The following BAZ1B variants were observed in gnomAD, a reference collection of about 807,000 sequenced individuals.
BAZ1B encodes bromodomain adjacent to zinc finger domain 1B.
A neutral mutation model predicts 153.8 loss-of-function variants in BAZ1B; 22 were observed. The observed-to-expected ratio is 0.14, with a 90% CI of 0.10 to 0.20. The LOEUF is 0.20. BAZ1B is among the 10% of genes least tolerant of loss of function. BAZ1B has a pLI of 1.00. For synonymous variants in BAZ1B, 676 were observed against 633.4 expected (o/e 1.07, Z -1.01); for missense variants, 1,325 against 1,799.3 (o/e 0.74, Z 4.77).
chr7:73,520,918 C>T (rs543502358), intron 1 of BAZ1B, among the ~76,000 whole-genome samples: 3 of 152,078 alleles, frequency 2.0e-5, no homozygotes, highest in African/African-American at 7.2e-5. Flanking sequence ...GTTTTTTTTA[C>T]AGATAAGCCT....
chr7:73,518,864 T>C (rs766123557), intron 1 of BAZ1B, among the ~76,000 whole-genome samples: 1 of 152,222 alleles, frequency 6.6e-6, no homozygotes, highest in Non-Finnish European at 1.5e-5. Flanking sequence ...TTAGAAACTA[T>C]GACAGTTGAA....
chr7:73,454,239 C>A (rs1294142112), intron 13 of BAZ1B, among the ~76,000 whole-genome samples: 1 of 152,056 alleles, frequency 6.6e-6, no homozygotes, highest in Admixed American at 6.6e-5. Context: ...GGTGGGAGAT[C>A]ACAAGCCTGG....
intron 11 of BAZ1B, chr7:73,464,174 T>A: frequency 7.1e-6 from 7 of 984,782 alleles, no homozygotes; most frequent in Non-Finnish European, 8.4e-6. Flanking sequence ...TGAATCATAT[T>A]TTCCTTCTCT....
At chr7:73,459,043 T>G (rs1290654019) in intron 13 of BAZ1B, among the ~76,000 whole-genome samples, 2 of 151,692 alleles carry the variant, frequency 1.3e-5, no homozygotes, top group African/African-American at 4.8e-5. Flanking sequence ...GGTCAAGAGA[T>G]CGAGACCACT....
At chr7:73,478,971 G>A (rs1472810652) in intron 6 of BAZ1B, among the ~76,000 whole-genome samples, 2 of 152,166 alleles carry the variant, frequency 1.3e-5, no homozygotes. Flanking sequence ...TATCTGAAAA[G>A]TTTAAAAAGC....
chr7:73,449,755 G>C, intron 14 of BAZ1B, 66 bp from the exon 15 acceptor site: 1 of 1,545,118 alleles, frequency 6.5e-7, no homozygotes, highest in Non-Finnish European at 8.8e-7. Flanking sequence ...CTGTAAGGAA[G>C]AGGCAATCAC....
intron 6 of BAZ1B, among the ~76,000 whole-genome samples, chr7:73,481,118 G>T (rs1370503100): frequency 6.6e-6 from 1 of 151,940 alleles, no homozygotes; most frequent in Non-Finnish European, 1.5e-5. Flanking sequence ...GTACAGACAG[G>T]GTTTCACTAT....
At chr7:73,457,031 G>A (rs1469837511) in intron 13 of BAZ1B, among the ~76,000 whole-genome samples, 3 of 138,340 alleles carry the variant, frequency 2.2e-5, no homozygotes, top group Admixed American at 7.6e-5. Context: ...TGGAGAGAAT[G>A]TAAAATTGTA....
chr7:73,473,370 T>C (rs1554572311), intron 7 of BAZ1B, among the ~76,000 whole-genome samples: 3 of 152,118 alleles, frequency 2.0e-5, no homozygotes, highest in African/African-American at 7.2e-5. Context: ...CTAACCAACA[T>C]GGTGAATCCC....
At chr7:73,494,074 A>G (rs569169090) in intron 4 of BAZ1B, among the ~76,000 whole-genome samples, 2 of 152,164 alleles carry the variant, frequency 1.3e-5, no homozygotes, top group South Asian at 4.1e-4. Context: ...ACTACGGTGC[A>G]TTTTGGAAAG....
intron 7 of BAZ1B, among the ~76,000 whole-genome samples, chr7:73,471,079 G>C (rs1378571143): frequency 6.6e-6 from 1 of 152,110 alleles, no homozygotes; most frequent in African/African-American, 2.4e-5. Flanking sequence ...TGAAGAAACA[G>C]TTAACAGTCC....
chr7:73,478,825 T>C (rs1345280950), intron 6 of BAZ1B, among the ~76,000 whole-genome samples: 3 of 152,216 alleles, frequency 2.0e-5, no homozygotes, highest in Non-Finnish European at 2.9e-5. Flanking sequence ...TGTTTATGTA[T>C]ATTAATGATT....
chr7:73,442,167 CT>C lies in BAZ1B; in HGVS notation c.*15+13del. ...CCACCCTCCCTAGCTGTCCCCCCAC[CT>C]CAGCTCCCTTACCACGGCCCTGCCT... On this transcript the variant is annotated intron_variant, in intron 19 of 19. Transcript: ENST00000339594. 1 of 1,476,742 alleles carries C rather than the reference CT, an allele frequency of 6.8e-7. No individual in the cohort carries two copies. The highest frequency in any genetic ancestry group is 2.3e-5 in the East Asian group (1 of 43,956). The allele number at this position is 1,476,742 out of a possible 1,614,324, so 91.5% of individuals were successfully genotyped here.
chr7:73,496,895 G>A (rs1013192625), intron 4 of BAZ1B, among the ~76,000 whole-genome samples: 1 of 151,818 alleles, frequency 6.6e-6, no homozygotes, highest in African/African-American at 2.4e-5. Context: ...GCATGAGGCC[G>A]AGGCCACAAG....
At chr7:73,469,123 T>C in intron 9 of BAZ1B, among the ~76,000 whole-genome samples, 1 of 138,412 alleles carries the variant, frequency 7.2e-6, no homozygotes, top group Non-Finnish European at 1.5e-5. Context: ...AGAGTGAAAT[T>C]CCGTCTCAAA....
At chr7:73,463,245 T>C (rs576145381) in intron 11 of BAZ1B, 146 bp from the exon 12 acceptor site, 9 of 737,630 alleles carry the variant, frequency 1.2e-5, no homozygotes, top group East Asian at 8.9e-5. Flanking sequence ...TTTTCTTTTT[T>C]TTTTTTTTTT....
At position 73,476,763 on chromosome 7, in the gene BAZ1B, A is replaced by G. The variant is rs1789015060; in HGVS notation, c.2593+105T>C. 64 of 1,497,698 alleles carry G rather than the reference A, an allele frequency of 4.3e-5. 2 individuals are homozygous for G. In the South Asian group the frequency reaches 8.2e-4, roughly 19 times the overall value. 92.8% of individuals were successfully genotyped at this position (1,497,698 alleles called of 1,614,324 possible). ...ACCAATAGGTGCTGGGTTATTACATACAGAAATAAGTAAACAAACAGAGAC... is the reference window on the plus strand; with the variant it reads ...ACCAATAGGTGCTGGGTTATTACATGCAGAAATAAGTAAACAAACAGAGAC... On this transcript the variant is annotated intron_variant, in intron 7 of 19. Coordinates refer to ENST00000339594, the MANE Select transcript of BAZ1B (RefSeq NM_032408.4).
intron 7 of BAZ1B, among the ~76,000 whole-genome samples, chr7:73,473,189 C>G (rs782558300): frequency 1.3e-5 from 2 of 152,204 alleles, no homozygotes; most frequent in Non-Finnish European, 2.9e-5. Context: ...ATCTGCCTGC[C>G]TCAGCCTCCC....
intron 3 of BAZ1B, among the ~76,000 whole-genome samples, chr7:73,506,692 A>C (rs549681169): frequency 7.0e-6 from 1 of 142,920 alleles, no homozygotes; most frequent in Admixed American, 7.1e-5. Context: ...TCTCTACCAA[A>C]AATAAAAAAT....
Sources: allele counts gnomAD v4.1 joint callset (sites outside exome capture counted in the v4.1 genomes callset), GRCh38; gene constraint gnomAD v4.1.1; transcripts MANE v1.5; gene names NCBI Gene and HGNC (gene_info 2026-07-23, HGNC 2026-07-21).